Variants in TNFAIP2 observed in about 807,000 individuals in gnomAD.
TNFAIP2 encodes the protein tumor necrosis factor alpha-induced protein 2.
A neutral mutation model predicts 63.5 loss-of-function variants in TNFAIP2; 47 were observed. The ratio of observed to expected loss-of-function variants is 0.74; its 90% CI spans 0.59 to 0.94. TNFAIP2 has a LOEUF of 0.94. Ranked by LOEUF, TNFAIP2 falls within the 40% of genes least tolerant of loss-of-function variation. The pLI is 0.00. For synonymous variants in TNFAIP2, 405 were observed against 390.2 expected (o/e 1.04, Z -0.45); for missense variants, 787 against 850.2 (o/e 0.93, Z 0.92).
In TNFAIP2 at chr14:103,135,555, G is replaced by A. The variant is rs1356418416; in HGVS notation, c.*195G>A. 1.5e-5 allele frequency: 22 copies of A among 1,434,864 alleles called. No individual in the cohort carries two copies. In the East Asian group the frequency reaches 3.0e-4, roughly 20 times the overall value. The allele number at this position is 1,434,864 out of a possible 1,614,324, so 88.9% of individuals were successfully genotyped here. On this transcript the variant is annotated 3_prime_UTR_variant, in exon 12 of 12. Coordinates refer to ENST00000560869, the MANE Select transcript of TNFAIP2 (RefSeq NM_006291.4). The surrounding 1 kb of genome is among the most constrained non-coding windows in gnomAD (Gnocchi z 7.6). ...CAGACCTTGGTTTGTTTACATGTCC[G>A]ATGGGGGCAGGAGCTCCCATCCTGG...
chr14:103,126,453 C>A lies in TNFAIP2; in HGVS notation c.-5C>A. 1 of 1,574,932 alleles carries A rather than the reference C, an allele frequency of 6.3e-7. No homozygotes were observed. On this transcript the variant is annotated 5_prime_UTR_variant, in exon 2 of 12. Coordinates refer to ENST00000560869, the MANE Select transcript of TNFAIP2 (RefSeq NM_006291.4). The stretch of plus-strand genomic sequence containing the variant: ...TCCACATCAGAGGCAGAGTCAGAGG[C>A]CTCCATGTCGGAGGCCTCCTCTGAG...
At chr14:103,128,485 G>T (rs900203059) in intron 3 of TNFAIP2, among the ~76,000 whole-genome samples, 6 of 152,166 alleles carry the variant, frequency 3.9e-5, no homozygotes, top group Non-Finnish European at 7.4e-5. Context: ...GGCCCAGGGC[G>T]GGGGAGTCCA....
intron 2 of TNFAIP2, 119 bp downstream of exon 2, chr14:103,126,811 C>T (rs2087863935): frequency 1.5e-6 from 2 of 1,341,344 alleles, no homozygotes; most frequent in Non-Finnish European, 2.0e-6. Context: ...GCGTCTGTCT[C>T]CCTGCTTTCA....
upstream of TNFAIP2, among the ~76,000 whole-genome samples, chr14:103,121,818 C>G (rs747144405): frequency 5.4e-5 from 8 of 148,236 alleles, no homozygotes; most frequent in Non-Finnish European, 7.4e-5. Context: ...TAAGGCCTGA[C>G]AACGCCCTCC....
rs538358917 is a variant in TNFAIP2, at chr14:103,135,490, A to T, written c.*130A>T. 6.7e-7 allele frequency: 1 copy of T among 1,500,374 alleles called. No homozygotes were observed. The highest frequency in any genetic ancestry group is 2.3e-5 in the East Asian group (1 of 43,930). The allele number at this position is 1,500,374 out of a possible 1,614,324, so 92.9% of individuals were successfully genotyped here. A position where few individuals can be genotyped will look rare whatever the true frequency, so the allele number is the denominator to read the frequency against. ...CTGTGCTCTGATGCTACTTCTGCCTAGCCCTGGCGGAGGTGCAGGCCCTGT... is the reference window on the plus strand; with the variant it reads ...CTGTGCTCTGATGCTACTTCTGCCTTGCCCTGGCGGAGGTGCAGGCCCTGT... On this transcript the variant is annotated 3_prime_UTR_variant, in exon 12 of 12. Transcript: ENST00000560869. The surrounding 1 kb of genome is among the most constrained non-coding windows in gnomAD (Gnocchi z 7.6).
rs1376749102 is a variant in TNFAIP2, at chr14:103,135,770, G to A, written c.*410G>A. The A allele has an allele frequency of 3.1e-6, 4 of 1,288,192 alleles. No individual in the cohort carries two copies. Among genetic ancestry groups the A allele is most frequent in the Non-Finnish European group, 4.0e-6 (4 of 990,192 alleles). The allele number at this position is 1,288,192 out of a possible 1,614,324, so 79.8% of individuals were successfully genotyped here. On this transcript the variant is annotated 3_prime_UTR_variant, in exon 12 of 12. Coordinates refer to ENST00000560869, the MANE Select transcript of TNFAIP2 (RefSeq NM_006291.4). This position sits in a 1 kb window ranked among gnomAD's most constrained non-coding sequence, Gnocchi z 7.6. Reference sequence around the variant, plus strand: ...GGCCGAGGGCCCTCTTCAGCTCTCTGGAGACAGGGGCCGAGCCTCACCCAT... The same window carrying A: ...GGCCGAGGGCCCTCTTCAGCTCTCTAGAGACAGGGGCCGAGCCTCACCCAT...
rs756468840 is a variant in TNFAIP2, at chr14:103,127,501, C to T, written c.732C>T (p.Gly244=). The change falls in exon 3 of 12, where the codon GGC becomes GGT. Residue 244 remains glycine, a synonymous_variant. Transcript: ENST00000560869. This position sits in a 1 kb window ranked among gnomAD's most constrained non-coding sequence, Gnocchi z 5.1. The stretch of plus-strand genomic sequence containing the variant: ...AGCCGCTGTTCCCCGCCGAGTTCGG[C>T]GTCGTGGCGGCCTACGCCGAGAGCT... ...RLKPLFPAEF[G]VVAAYAESYH... 3 of 1,590,022 alleles carry T rather than the reference C, an allele frequency of 1.9e-6. No individual in the cohort carries two copies. The highest frequency in any genetic ancestry group is 2.2e-5 in the South Asian group (2 of 89,506).
At chr14:103,125,509 G>A (rs1430233206) in intron 1 of TNFAIP2, among the ~76,000 whole-genome samples, 2 of 152,218 alleles carry the variant, frequency 1.3e-5, no homozygotes, top group African/African-American at 4.8e-5. Context: ...GATGGGATGG[G>A]CACCCAGGAA....
Position 103,134,136 on chromosome 14 carries a change from G to A in TNFAIP2, c.1823+333G>A, listed in dbSNP as rs1034724047. On this transcript the variant is annotated intron_variant, in intron 11 of 11. Transcript: ENST00000560869. ...AGAGAGGCCAGCTTCACCCAGCCTG[G>A]GGGGCCTCTGCGGCCTAGGCCTATG... Among the ~76,000 whole-genome samples, 3 of 152,230 alleles carry A rather than the reference G, an allele frequency of 2.0e-5. No homozygotes were observed. In the South Asian group the frequency reaches 6.2e-4, roughly 32 times the overall value.
chr14:103,128,866 G>T lies in TNFAIP2; in HGVS notation c.861-874G>T, dbSNP rs1014668241. Among the ~76,000 whole-genome samples, 3 of 152,236 alleles carry T rather than the reference G, an allele frequency of 2.0e-5. No individual in the cohort carries two copies. In the East Asian group the frequency reaches 5.8e-4, roughly 29 times the overall value. ...TGACCTCGGGGTCTGCTGGCCTGGG[G>T]TTAGCAACAGGCAACTAAAGCCAAG... On this transcript the variant is annotated intron_variant, in intron 3 of 11. Transcript: ENST00000560869.
At chr14:103,132,513 T>C (rs1173446733) in intron 8 of TNFAIP2, among the ~76,000 whole-genome samples, 2 of 152,210 alleles carry the variant, frequency 1.3e-5, no homozygotes, top group East Asian at 3.8e-4. Flanking sequence ...CAGGCTCTCC[T>C]GGCTCCTGAG....
chr14:103,126,812 C>T, intron 2 of TNFAIP2, 120 bp downstream of exon 2: 1 of 1,326,224 alleles, frequency 7.5e-7, no homozygotes, highest in African/African-American at 1.5e-5. Context: ...CGTCTGTCTC[C>T]CTGCTTTCAC....
intron 4 of TNFAIP2, 62 bp downstream of exon 4, chr14:103,129,916 A>G: frequency 3.1e-6 from 5 of 1,607,586 alleles, no homozygotes; most frequent in East Asian, 2.2e-5. Flanking sequence ...TCGGAGACAG[A>G]CAGGACATGG....
In TNFAIP2 at chr14:103,132,846, T is replaced by G; in HGVS notation, c.1519T>G (p.Ser507Ala). 1 of 1,614,024 alleles carries G rather than the reference T, an allele frequency of 6.2e-7. No individual in the cohort carries two copies. The highest frequency in any genetic ancestry group is 8.5e-7 in the Non-Finnish European group (1 of 1,179,944). ...ATVDTRLPEF[S>A]ELQGCFREEL... The stretch of plus-strand genomic sequence containing the variant: ...TGTAGACACGAGGCTGCCTGAGTTC[T>G]CAGAGCTGCAGGGCTGTTTCCGGGA... Residue 507 changes from serine to alanine, a missense_variant, in exon 9 of 12, where the codon TCA (serine) becomes GCA (alanine). Ser to Ala is a moderately conservative substitution (Grantham distance 99). Coordinates refer to ENST00000560869, the MANE Select transcript of TNFAIP2 (RefSeq NM_006291.4).
Position 103,135,596 on chromosome 14 carries a change from A to T in TNFAIP2, c.*236A>T. The T allele has an allele frequency of 1.4e-6, 2 of 1,402,110 alleles. No individual in the cohort carries two copies. Among genetic ancestry groups the T allele is most frequent in the East Asian group, 5.4e-5 (2 of 37,380 alleles). 86.9% of individuals were successfully genotyped at this position (1,402,110 alleles called of 1,614,324 possible). A position where few individuals can be genotyped will look rare whatever the true frequency, so the allele number is the denominator to read the frequency against. Reference sequence around the variant, plus strand: ...CCCATCCTGGGCAGCCAACCAGGCAACACCAAGGACTCTTTGTAAACGATA... The same window carrying T: ...CCCATCCTGGGCAGCCAACCAGGCATCACCAAGGACTCTTTGTAAACGATA... On this transcript the variant is annotated 3_prime_UTR_variant, in exon 12 of 12. Coordinates refer to ENST00000560869, the MANE Select transcript of TNFAIP2 (RefSeq NM_006291.4). This position sits in a 1 kb window ranked among gnomAD's most constrained non-coding sequence, Gnocchi z 7.6.
At position 103,131,194 on chromosome 14, in the gene TNFAIP2, C is replaced by T. The variant is rs535776025; in HGVS notation, c.1298+44C>T. ...GCTTGCGGGAGTGGGAGTCACTCAG[C>T]GGGCAGGAGAGGGGAGCTGGAAGGT... On this transcript the variant is annotated intron_variant, in intron 7 of 11. Transcript: ENST00000560869. This position sits in a 1 kb window ranked among gnomAD's most constrained non-coding sequence, Gnocchi z 4.0. 39 of 1,600,278 alleles carry T rather than the reference C, an allele frequency of 2.4e-5. No individual in the cohort carries two copies. The highest frequency in any genetic ancestry group is 5.4e-5 in the African/African-American group (4 of 74,766).
At position 103,135,836 on chromosome 14, in the gene TNFAIP2, C is replaced by T; in HGVS notation, c.*476C>T. 7.7e-7 allele frequency: 1 copy of T among 1,292,168 alleles called. No homozygotes were observed. Among genetic ancestry groups the T allele is most frequent in the Non-Finnish European group, 1.0e-6 (1 of 990,790 alleles). The allele number at this position is 1,292,168 out of a possible 1,614,324, so 80.0% of individuals were successfully genotyped here. On this transcript the variant is annotated 3_prime_UTR_variant, in exon 12 of 12. Transcript: ENST00000560869. The surrounding 1 kb of genome is among the most constrained non-coding windows in gnomAD (Gnocchi z 7.6). ...CAGGGCCGCCGTGAGCGGGATTCAG[C>T]AATGGTGGAATGGAAGACAGAACTG...
At chr14:103,122,151 G>T (rs1415685673), upstream of TNFAIP2, among the ~76,000 whole-genome samples, 1 of 152,254 alleles carries the variant, frequency 6.6e-6, no homozygotes, top group Admixed American at 6.5e-5. Context: ...CAGCCTTAAC[G>T]CCCCATCCTG....
intron 8 of TNFAIP2, among the ~76,000 whole-genome samples, chr14:103,132,131 C>A (rs1036683197): frequency 6.6e-6 from 1 of 152,168 alleles, no homozygotes; most frequent in Non-Finnish European, 1.5e-5. Flanking sequence ...CCTGCAGACA[C>A]CTTTCCTTCA....
Sources: gnomAD v4.1 joint callset for allele counts (sites outside exome capture counted in the v4.1 genomes callset) on GRCh38, gnomAD v4.1.1 for gene constraint, Gnocchi (gnomAD v3.1) non-coding constraint, MANE v1.5 for transcripts, NCBI Gene and HGNC (gene_info 2026-07-23, HGNC 2026-07-21) for gene names.